KPNA5: variants seen among roughly 807,000 people sequenced by gnomAD.
The protein encoded by KPNA5 is karyopherin subunit alpha 5, also known as importin subunit alpha-6.
Under a neutral mutation model 71.3 loss-of-function variants are expected in KPNA5, and 46 were observed. That is an observed-to-expected ratio of 0.65 (90% CI 0.51 to 0.83). The LOEUF (loss-of-function observed/expected upper bound fraction) is 0.83. Among genes scored for constraint, KPNA5 ranks in the 40% least tolerant of loss-of-function variants. The pLI is 0.00. For missense variants in KPNA5, 547 were observed against 628.3 expected, an observed-to-expected ratio of 0.87 and a Z score of 1.38; for synonymous variants, 207 against 201.4, an observed-to-expected ratio of 1.03 and a Z score of -0.24.
intron 12 of KPNA5, among the ~76,000 whole-genome samples, chr6:116,728,225 A>G (rs1478365012): frequency 2.0e-5 from 3 of 151,446 alleles, no homozygotes; most frequent in African/African-American, 7.3e-5. Context: ...TGTTACTTTT[A>G]TTTTATTTGG....
At position 116,724,214 on chromosome 6, in the gene KPNA5, C is replaced by G. The variant is rs79185456; in HGVS notation, c.921-83C>G. The G allele has an allele frequency of 1.3e-3, 1,059 of 815,710 alleles. 7 individuals carry two copies. The African/African-American group carries it at 0.016, about 13-fold the overall frequency. 50.5% of individuals were successfully genotyped at this position (815,710 alleles called of 1,614,324 possible). A position where few individuals can be genotyped will look rare whatever the true frequency, so the allele number is the denominator to read the frequency against. On this transcript the variant is annotated intron_variant, in intron 9 of 13. Coordinates refer to ENST00000368564, the MANE Select transcript of KPNA5 (RefSeq NM_001366306.2). ...ATGGGATCTTTGGCTGAACACCCCGCAGGAGTTTGTAGTATTTTTGTAACT... is the reference window on the plus strand; with the variant it reads ...ATGGGATCTTTGGCTGAACACCCCGGAGGAGTTTGTAGTATTTTTGTAACT...
At chr6:116,707,673 A>G (rs1778500198) in intron 7 of KPNA5, among the ~76,000 whole-genome samples, 1 of 152,256 alleles carries the variant, frequency 6.6e-6, no homozygotes, top group African/African-American at 2.4e-5. Flanking sequence ...CAAAAGCAGT[A>G]TAACTATTTT....
chr6:116,696,631 GT>G (rs1323357911), intron 4 of KPNA5, among the ~76,000 whole-genome samples: 1 of 151,980 alleles, frequency 6.6e-6, no homozygotes, highest in African/African-American at 2.4e-5. Flanking sequence ...TTCAATCCCA[GT>G]TTTGTAGAAA....
intron 1 of KPNA5, among the ~76,000 whole-genome samples, chr6:116,684,653 C>A (rs1454956824): frequency 2.6e-5 from 4 of 152,124 alleles, no homozygotes. Flanking sequence ...ATATGATGGT[C>A]CCCAAGATTT....
intron 1 of KPNA5, among the ~76,000 whole-genome samples, chr6:116,684,513 A>G (rs1777494953): frequency 6.6e-6 from 1 of 152,214 alleles, no homozygotes; most frequent in South Asian, 2.1e-4. Context: ...TTTCAGTGGT[A>G]CTACAACTTA....
rs775883659 is a variant in KPNA5, at chr6:116,726,495, G to A, written c.1126G>A (p.Ala376Thr). ...ITAGNRAQIQAVIDANIFPVL... is the reference protein window; with the variant it reads ...ITAGNRAQIQTVIDANIFPVL... ...GATTATATATTTTTCCCCCTCTCAGGCTGTTATAGATGCAAATATTTTTCC... is the reference window on the plus strand; with the variant it reads ...GATTATATATTTTTCCCCCTCTCAGACTGTTATAGATGCAAATATTTTTCC... Residue 376 changes from alanine (A) to threonine (T), a missense_variant and splice_region_variant, in exon 12 of 14, where the codon GCT (alanine) becomes ACT (threonine). Coordinates refer to ENST00000368564, the MANE Select transcript of KPNA5 (RefSeq NM_001366306.2). 3 of 1,609,358 alleles carry A rather than the reference G, an allele frequency of 1.9e-6. No homozygotes were observed. Among genetic ancestry groups the A allele is most frequent in the African/African-American group, 1.3e-5 (1 of 74,794 alleles).
At position 116,738,085 on chromosome 6, in the gene KPNA5, A is replaced by G. The variant is rs1266727009; in HGVS notation, c.*5762A>G. On this transcript the variant is annotated 3_prime_UTR_variant, in exon 14 of 14. Transcript: ENST00000368564. The stretch of plus-strand genomic sequence containing the variant: ...TATTATGATTTATTCGTGACCTATG[A>G]AAATTGACAGACCGTTAGCAAGACT... 6.6e-6 allele frequency: 1 copy of G among 152,070 alleles called. No homozygotes were observed. The highest frequency in any genetic ancestry group is 2.4e-5 in the African/African-American group (1 of 41,434). The allele number at this position is 152,070 out of a possible 1,614,324, so 9.4% of individuals were successfully genotyped here. A position where few individuals can be genotyped will look rare whatever the true frequency, so the allele number is the denominator to read the frequency against.
rs1562463101 is a variant in KPNA5, at chr6:116,739,875, A to C, written c.*7552A>C. On this transcript the variant is annotated 3_prime_UTR_variant, in exon 14 of 14. Transcript: ENST00000368564. ...GATGGATTAAAGACTTAAACATTAG[A>C]CCAAAAACCATAAAAACCCTAGAAG... 1 of 151,978 alleles carries C rather than the reference A, an allele frequency of 6.6e-6. No individual in the cohort carries two copies. Among genetic ancestry groups the C allele is most frequent in the Non-Finnish European group, 1.5e-5 (1 of 68,018 alleles). 9.4% of individuals were successfully genotyped at this position (151,978 alleles called of 1,614,324 possible). A position where few individuals can be genotyped will look rare whatever the true frequency, so the allele number is the denominator to read the frequency against.
Position 116,702,109 on chromosome 6 carries a change from A to G in KPNA5, c.526A>G (p.Ile176Val). The change falls in exon 6 of 14, where the codon ATC (isoleucine) becomes GTC (valine). Residue 176 changes from isoleucine (I) to valine (V), a missense_variant. Physicochemically the swap from Ile to Val is conservative, Grantham distance 29. Transcript: ENST00000368564. The part of the protein sequence containing the change: ...VIETGAVPIF[I>V]KLLNSEHEDV... Reference sequence around the variant, plus strand: ...TGAAACTGGGGCTGTTCCGATTTTTATCAAACTTCTTAATTCTGAACATGA... The same window carrying G: ...TGAAACTGGGGCTGTTCCGATTTTTGTCAAACTTCTTAATTCTGAACATGA... 7 of 1,613,924 alleles carry G rather than the reference A, an allele frequency of 4.3e-6. No homozygotes were observed. Among genetic ancestry groups the G allele is most frequent in the Non-Finnish European group, 5.9e-6 (7 of 1,179,948 alleles).
intron 2 of KPNA5, among the ~76,000 whole-genome samples, chr6:116,691,812 A>G (rs998483552): frequency 5.9e-5 from 9 of 152,196 alleles, no homozygotes; most frequent in African/African-American, 2.2e-4. Context: ...TGTTGGTAAA[A>G]GATCTGAGAT....
At chr6:116,709,426 A>G (rs1295937056) in intron 7 of KPNA5, among the ~76,000 whole-genome samples, 1 of 152,152 alleles carries the variant, frequency 6.6e-6, no homozygotes, top group Non-Finnish European at 1.5e-5. Context: ...TTGAAGTCGA[A>G]TTTGAGGTCA....
chr6:116,731,908 G>A (rs598405), intron 13 of KPNA5, among the ~76,000 whole-genome samples: 67,353 of 150,626 alleles, frequency 0.45, 18,064 homozygotes, highest in African/African-American at 0.76. Flanking sequence ...GTCCTTCTTC[G>A]TATGACACTG....
rs115663338 is a variant in KPNA5 at position 116,728,500 on chromosome 6, T to C, written c.1254-1063T>C. Among the ~76,000 whole-genome samples the C allele has an allele frequency of 7.3e-3, 1,110 of 152,312 alleles. 18 individuals carry two copies. The highest frequency in any genetic ancestry group is 0.024 in the African/African-American group (982 of 41,570). ...TGTGCTAAGTAAGTCATTTCAGTTA[T>C]TGAGCACCAGCAATGTGTCTGGTAC... On this transcript the variant is annotated intron_variant, in intron 12 of 13. Transcript: ENST00000368564.
At chr6:116,717,159 C>T (rs970913982) in intron 8 of KPNA5, among the ~76,000 whole-genome samples, 5 of 152,028 alleles carry the variant, frequency 3.3e-5, no homozygotes, top group East Asian at 1.9e-4. Context: ...ATACTACTGC[C>T]GTGATTTGTG....
Position 116,733,830 on chromosome 6 carries a change from T to G in KPNA5, c.*1507T>G, listed in dbSNP as rs924581596. On this transcript the variant is annotated 3_prime_UTR_variant, in exon 14 of 14. Transcript: ENST00000368564. ...TTTATGATAGTATTTGTAATGTTTC[T>G]GCTGGAAATCAGAGGCACGTTCCAA... 5.9e-5 allele frequency: 9 copies of G among 151,778 alleles called. No individual in the cohort carries two copies. The highest frequency in any genetic ancestry group is 1.9e-4 in the African/African-American group (8 of 41,426). 9.4% of individuals were successfully genotyped at this position (151,778 alleles called of 1,614,324 possible).
chr6:116,700,465 T>C (rs567313066), intron 5 of KPNA5, among the ~76,000 whole-genome samples: 98 of 151,802 alleles, frequency 6.5e-4, no homozygotes, highest in South Asian at 5.9e-3. Context: ...TCTAAATAAA[T>C]AAACAAACAA....
chr6:116,684,431 A>G (rs1278447577), intron 1 of KPNA5, among the ~76,000 whole-genome samples: 2 of 152,140 alleles, frequency 1.3e-5, no homozygotes, highest in Non-Finnish European at 2.9e-5. Context: ...GATGCCTGAT[A>G]TGGTACTTGG....
At position 116,698,686 on chromosome 6, in the gene KPNA5, G is replaced by A. The variant is rs1384059141; in HGVS notation, c.341-18G>A. On this transcript the variant is annotated intron_variant, in intron 4 of 13. Transcript: ENST00000368564. ...TTTTTGTGTCTTTGTAATAACTGAA[G>A]TCTTTTTAAATTTTTAGAACCTAAT... The A allele has an allele frequency of 1.4e-6, 2 of 1,420,252 alleles. No homozygotes were observed. The highest frequency in any genetic ancestry group is 4.7e-5 in the East Asian group (2 of 42,942). 88.0% of individuals were successfully genotyped at this position (1,420,252 alleles called of 1,614,324 possible).
rs904932447 is a variant in KPNA5, at chr6:116,704,041, A to AT, written c.568-1017dup. ...GTTACTGTACTAAATGCTGTAGGCA[A>AT]TTTTTTTTTTTTTTGAGACAGAGTC... On this transcript the variant is annotated intron_variant, in intron 6 of 13. Transcript: ENST00000368564. Among the ~76,000 whole-genome samples, 385 of 144,706 alleles carry AT rather than the reference A, an allele frequency of 2.7e-3. 1 individual carries two copies. The highest frequency in any genetic ancestry group is 3.7e-3 in the Admixed American group (53 of 14,420). 94.9% of individuals were successfully genotyped at this position (144,706 alleles called of 152,430 possible).
Sources: allele counts gnomAD v4.1 joint callset (sites outside exome capture counted in the v4.1 genomes callset), GRCh38; gene constraint gnomAD v4.1.1; transcripts MANE v1.5; gene names NCBI Gene and HGNC (gene_info 2026-07-23, HGNC 2026-07-21).